The following SLC14A2 variants were observed in gnomAD, a reference collection of about 807,000 sequenced individuals.
The protein encoded by SLC14A2 is solute carrier family 14 member 2.
In SLC14A2, 91 loss-of-function variants were observed where a neutral mutation model predicts 104.6. The observed-to-expected ratio is 0.87, with a 90% CI of 0.73 to 1.04. The LOEUF (loss-of-function observed/expected upper bound fraction) is 1.04. Among genes scored for constraint, SLC14A2 ranks in the 50% least tolerant of loss-of-function variants. The pLI is 0.00. For synonymous variants in SLC14A2, 476 were observed against 466.4 expected, an observed-to-expected ratio of 1.02 and a Z score of -0.27; for missense variants, 1,189 against 1,156.0, an observed-to-expected ratio of 1.03 and a Z score of -0.41.
intron 1 of SLC14A2, among the ~76,000 whole-genome samples, chr18:45,260,471 A>G (rs1051494244): frequency 2.0e-5 from 3 of 152,204 alleles, no homozygotes; most frequent in Admixed American, 1.3e-4. Flanking sequence ...TACATACCCA[A>G]AGGAAAATAA....
At chr18:45,182,436 A>T in the SLC14A2 span, among the ~76,000 whole-genome samples, 1 of 151,932 alleles carries the variant, frequency 6.6e-6, no homozygotes, top group African/African-American at 2.4e-5. Context: ...ATTGTTAAAG[A>T]CTGTAACTGA....
At position 45,625,841 on chromosome 18, in the gene SLC14A2, G is replaced by A. The variant is rs1228702696; in HGVS notation, c.309G>A (p.Lys103=). 6.7e-7 allele frequency: 1 copy of A among 1,501,622 alleles called. No individual in the cohort carries two copies. Among genetic ancestry groups the A allele is most frequent in the Non-Finnish European group, 8.9e-7 (1 of 1,128,676 alleles). 93.0% of individuals were successfully genotyped at this position (1,501,622 alleles called of 1,614,324 possible). A position where few individuals can be genotyped will look rare whatever the true frequency, so the allele number is the denominator to read the frequency against. Residue 103 remains lysine, a synonymous_variant, in exon 3 of 20, where the codon AAG becomes AAA. Coordinates refer to ENST00000255226, the MANE Select transcript of SLC14A2 (RefSeq NM_007163.4). ...TGGGCTACCTCACGGGCGACATGAA[G>A]GAGTACAGGATCTGGCTGAAAGGTA... ...KAVGYLTGDM[K]EYRIWLKDKH...
At chr18:45,312,574 G>C (rs1199373057) in intron 1 of SLC14A2, among the ~76,000 whole-genome samples, 1 of 152,088 alleles carries the variant, frequency 6.6e-6, no homozygotes, top group African/African-American at 2.4e-5. Context: ...GGAAAATGTG[G>C]ATCAGAAAAA....
intron 2 of SLC14A2, among the ~76,000 whole-genome samples, chr18:45,557,750 G>A (rs1420848047): frequency 1.3e-5 from 2 of 152,132 alleles, no homozygotes; most frequent in African/African-American, 4.8e-5. Context: ...CCTGGCAAGT[G>A]CTTTCTCATT....
Position 45,683,268 on chromosome 18 carries a change from G to A in SLC14A2, c.*749G>A, listed in dbSNP as rs2046340425. 6.6e-6 allele frequency: 1 copy of A among 152,200 alleles called. No individual in the cohort carries two copies. Among genetic ancestry groups the A allele is most frequent in the Non-Finnish European group, 1.5e-5 (1 of 68,056 alleles). 9.4% of individuals were successfully genotyped at this position (152,200 alleles called of 1,614,324 possible). On this transcript the variant is annotated 3_prime_UTR_variant, in exon 20 of 20. Transcript: ENST00000255226. The stretch of plus-strand genomic sequence containing the variant: ...GCTGCTAATGAGCCCCTACCAGGTT[G>A]AGCAAGTCTTTCCCCACTCTCCACC...
intron 13 of SLC14A2, 90 bp from the exon 14 acceptor site, chr18:45,667,743 G>T: frequency 9.6e-7 from 1 of 1,040,012 alleles, no homozygotes; most frequent in Non-Finnish European, 1.5e-6. Flanking sequence ...ACCCACTTCG[G>T]ATATCCAGAT....
At chr18:45,312,424 C>T (rs540835689) in intron 1 of SLC14A2, among the ~76,000 whole-genome samples, 1 of 151,884 alleles carries the variant, frequency 6.6e-6, no homozygotes, top group Non-Finnish European at 1.5e-5. Flanking sequence ...ACAGCAGCTT[C>T]GTTTTCAATG....
intron 2 of SLC14A2, among the ~76,000 whole-genome samples, chr18:45,606,063 T>C (rs2144426573): frequency 6.6e-6 from 1 of 152,204 alleles, no homozygotes; most frequent in African/African-American, 2.4e-5. Flanking sequence ...CCCATCCAGC[T>C]GGAGGCGGGG....
intron 2 of SLC14A2, among the ~76,000 whole-genome samples, chr18:45,576,468 T>C (rs1332182228): frequency 8.6e-5 from 13 of 151,940 alleles, no homozygotes; most frequent in Non-Finnish European, 1.9e-4. Flanking sequence ...GTGTTTTTAG[T>C]AGAGACGGGT....
At chr18:45,491,840 C>A (rs1412635651) in intron 2 of SLC14A2, among the ~76,000 whole-genome samples, 1 of 152,220 alleles carries the variant, frequency 6.6e-6, no homozygotes, top group Non-Finnish European at 1.5e-5. Context: ...CACTGCTGAG[C>A]AAGGTCACCA....
At chr18:45,241,099 C>T (rs969231548) in intron 1 of SLC14A2, among the ~76,000 whole-genome samples, 3 of 152,154 alleles carry the variant, frequency 2.0e-5, no homozygotes, top group Non-Finnish European at 4.4e-5. Context: ...AAAGGAACAG[C>T]ATGGAGCACC....
chr18:45,475,905 C>A (rs1007046184), intron 1 of SLC14A2, among the ~76,000 whole-genome samples: 37 of 151,906 alleles, frequency 2.4e-4, no homozygotes, highest in Non-Finnish European at 2.9e-5. Flanking sequence ...CTGAATACAG[C>A]ACAGTAATTG....
intron 1 of SLC14A2, among the ~76,000 whole-genome samples, chr18:45,617,965 A>G (rs928822002): frequency 6.6e-6 from 1 of 152,166 alleles, no homozygotes. Context: ...CTTAGGATCA[A>G]CCTCTGAAGT....
At chr18:45,666,019 A>AGGAG (rs2046016482) in intron 11 of SLC14A2, 118 bp from the exon 12 acceptor site, 5 of 691,364 alleles carry the variant, frequency 7.2e-6, no homozygotes, top group Non-Finnish European at 1.3e-5. Context: ...GTGCTTCCTC[A>AGGAG]GTAGGAACAG....
At chr18:45,430,474 G>T (rs930294114) in intron 1 of SLC14A2, among the ~76,000 whole-genome samples, 3 of 152,180 alleles carry the variant, frequency 2.0e-5, no homozygotes, top group African/African-American at 7.2e-5. Flanking sequence ...ACTAACTAAA[G>T]ATTTCAGAAA....
At chr18:45,234,706 C>T (rs1320125715) in intron 1 of SLC14A2, among the ~76,000 whole-genome samples, 2 of 152,208 alleles carry the variant, frequency 1.3e-5, no homozygotes, top group African/African-American at 4.8e-5. Context: ...CTGTGGGGAA[C>T]CCGTTTTAAT....
intron 2 of SLC14A2, among the ~76,000 whole-genome samples, chr18:45,551,927 A>G (rs1479264161): frequency 6.6e-6 from 1 of 152,196 alleles, no homozygotes; most frequent in East Asian, 1.9e-4. Flanking sequence ...TGCCATAAGT[A>G]CTATTGCATA....
chr18:45,190,708 GT>G, the SLC14A2 span, among the ~76,000 whole-genome samples: 8 of 152,186 alleles, frequency 5.3e-5, no homozygotes, highest in African/African-American at 1.9e-4. Context: ...CGCCAGTTTA[GT>G]TTGTATAAAG....
At chr18:45,243,392 C>A (rs962604542) in intron 1 of SLC14A2, among the ~76,000 whole-genome samples, 4 of 152,202 alleles carry the variant, frequency 2.6e-5, no homozygotes, top group African/African-American at 9.6e-5. Context: ...AGTTAAGAGA[C>A]TGGTCCATGT....
Sources: gnomAD v4.1 joint callset for allele counts (sites outside exome capture counted in the v4.1 genomes callset) on GRCh38, gnomAD v4.1.1 for gene constraint, MANE v1.5 for transcripts, NCBI Gene and HGNC (gene_info 2026-07-23, HGNC 2026-07-21) for gene names.